POU2AF3: variants seen among roughly 807,000 people sequenced by gnomAD.
The protein encoded by POU2AF3 is cancer susceptibility candidate 13.
At chr11:111,303,777 A>G in the POU2AF3 span, among the ~76,000 whole-genome samples, 2 of 152,044 alleles carry the variant, frequency 1.3e-5, no homozygotes, top group Non-Finnish European at 2.9e-5. Context: ...TGTGGCTCAG[A>G]GTATGGGAGT....
At chr11:111,307,813 G>A in the POU2AF3 span, among the ~76,000 whole-genome samples, 1 of 152,194 alleles carries the variant, frequency 6.6e-6, no homozygotes, top group African/African-American at 2.4e-5. Flanking sequence ...TCTAAAGTAG[G>A]ATTATAACAA....
At chr11:111,308,340 T>A in the POU2AF3 span, 1 of 1,551,716 alleles carries the variant, frequency 6.4e-7, no homozygotes, top group South Asian at 1.2e-5. Context: ...GCAGAGTACT[T>A]CTACCCGAGC....
At chr11:111,303,690 A>G in the POU2AF3 span, among the ~76,000 whole-genome samples, 1 of 152,180 alleles carries the variant, frequency 6.6e-6, no homozygotes, top group Non-Finnish European at 1.5e-5. Context: ...TTCCTGGTTC[A>G]TGACATTACA....
chr11:111,299,641 CG>C, the POU2AF3 span: 10 of 1,228,952 alleles, frequency 8.1e-6, no homozygotes, highest in African/African-American at 1.6e-5. Context: ...GAGCCCCGGA[CG>C]GCTTTCCCCA....
the POU2AF3 span, among the ~76,000 whole-genome samples, chr11:111,306,795 C>T: frequency 6.6e-6 from 1 of 152,222 alleles, no homozygotes. Context: ...TAGCCACACA[C>T]TGCAGGGCAT....
At chr11:111,306,553 C>G in the POU2AF3 span, 2 of 1,551,584 alleles carry the variant, frequency 1.3e-6, no homozygotes, top group Non-Finnish European at 1.7e-6. Context: ...TTGCTCAATT[C>G]CACACAAAGT....
At chr11:111,302,462 G>A in the POU2AF3 span, among the ~76,000 whole-genome samples, 1 of 152,200 alleles carries the variant, frequency 6.6e-6, no homozygotes, top group African/African-American at 2.4e-5. Context: ...TGCACCTGGA[G>A]AGCCCCATGT....
the POU2AF3 span, chr11:111,299,297 C>T: frequency 1.0e-6 from 1 of 987,068 alleles, no homozygotes; most frequent in Non-Finnish European, 1.2e-6. Flanking sequence ...CCTCGGCCGC[C>T]GCACCCAGCG....
the POU2AF3 span, among the ~76,000 whole-genome samples, chr11:111,305,196 G>T: frequency 6.6e-6 from 1 of 152,146 alleles, no homozygotes; most frequent in Non-Finnish European, 1.5e-5. Flanking sequence ...TCTACTCTCT[G>T]CTATATTGTC....
the POU2AF3 span, chr11:111,304,786 A>C: frequency 6.7e-6 from 3 of 445,768 alleles, no homozygotes; most frequent in Non-Finnish European, 1.1e-5. Context: ...TTGAAAAAAA[A>C]AAAGAAAGCA....
At chr11:111,298,829 C>A in the POU2AF3 span, 7 of 388,154 alleles carry the variant, frequency 1.8e-5, no homozygotes, top group Middle Eastern at 6.6e-4. Flanking sequence ...ACCCCAGGCC[C>A]CCGCCCGCCC....
chr11:111,307,313 T>C, the POU2AF3 span, among the ~76,000 whole-genome samples: 11 of 152,368 alleles, frequency 7.2e-5, no homozygotes, highest in African/African-American at 2.6e-4. Flanking sequence ...CAGGTTTGTT[T>C]TGTAAACCTT....
chr11:111,301,138 GTC>G, the POU2AF3 span, among the ~76,000 whole-genome samples: 1 of 152,182 alleles, frequency 6.6e-6, no homozygotes, highest in Non-Finnish European at 1.5e-5. Context: ...AAAGGGCCCT[GTC>G]TCTGCAGAAG....
At chr11:111,298,997 C>T in the POU2AF3 span, 1 of 997,790 alleles carries the variant, frequency 1.0e-6, no homozygotes, top group Non-Finnish European at 1.2e-6. Flanking sequence ...GCGCGGACCC[C>T]GAGGGGCGCC....
chr11:111,304,291 A>G, the POU2AF3 span, among the ~76,000 whole-genome samples: 1 of 149,272 alleles, frequency 6.7e-6, no homozygotes, highest in Non-Finnish European at 1.5e-5. Flanking sequence ...AAAATAATTG[A>G]CTAAGCCATA....
the POU2AF3 span, chr11:111,306,628 T>C: frequency 6.5e-7 from 1 of 1,547,588 alleles, no homozygotes; most frequent in East Asian, 2.4e-5. Flanking sequence ...AGCCTGGTAA[T>C]TTTTCTCAGT....
the POU2AF3 span, among the ~76,000 whole-genome samples, chr11:111,303,430 T>C: frequency 6.6e-6 from 1 of 152,350 alleles, no homozygotes. Context: ...GAGAGTTGCC[T>C]TTCTTTGTAT....
chr11:111,305,128 C>T, the POU2AF3 span: 5 of 420,348 alleles, frequency 1.2e-5, no homozygotes, highest in African/African-American at 1.0e-4. Context: ...GGCATAGTCA[C>T]TCCACATGCA....
the POU2AF3 span, chr11:111,306,632 T>C: frequency 4.5e-6 from 7 of 1,545,384 alleles, no homozygotes; most frequent in South Asian, 8.3e-5. Flanking sequence ...TGGTAATTTT[T>C]CTCAGTTCTT....
Sources: gnomAD v4.1 joint callset for allele counts (sites outside exome capture counted in the v4.1 genomes callset) on GRCh38, gnomAD v4.1.1 for gene constraint, MANE v1.5 for transcripts, NCBI Gene and HGNC (gene_info 2026-07-23, HGNC 2026-07-21) for gene names.